PIAS1: variants seen among roughly 807,000 people sequenced by gnomAD.
PIAS1 encodes E3 SUMO-protein ligase PIAS1.
In PIAS1, 6 loss-of-function variants were observed where a neutral mutation model predicts 71.3. The ratio of observed to expected loss-of-function variants is 0.08; its 90% CI spans 0.05 to 0.17. The LOEUF (loss-of-function observed/expected upper bound fraction) is 0.17. PIAS1 is among the 10% of genes least tolerant of loss of function. The pLI is 1.00. For synonymous variants in PIAS1, 303 were observed against 292.9 expected, an observed-to-expected ratio of 1.03 and a Z score of -0.35; for missense variants, 555 against 793.6, an observed-to-expected ratio of 0.70 and a Z score of 3.61.
In PIAS1 at chr15:68,178,371, TATC is replaced by T. The variant is rs1480327946; in HGVS notation, c.1481+1723_1481+1725del. 6.6e-6 allele frequency among the ~76,000 whole-genome samples: 1 copy of T among 152,216 alleles called. No homozygotes were observed. Among genetic ancestry groups the T allele is most frequent in the African/African-American group, 2.4e-5 (1 of 41,460 alleles). On this transcript the variant is annotated intron_variant, in intron 11 of 13. Coordinates refer to ENST00000249636, the MANE Select transcript of PIAS1 (RefSeq NM_016166.3). This position sits in a 1 kb window ranked among gnomAD's most constrained non-coding sequence, Gnocchi z 4.2. ...ACAGAAACAAAGACATTAAAAACAG[TATC>T]ATCATTCTAAACAAAGTGAATAATT... is the stretch of plus-strand genomic sequence containing the variant.
At chr15:68,115,066 T>C (rs2092554429) in intron 2 of PIAS1, among the ~76,000 whole-genome samples, 1 of 152,108 alleles carries the variant, frequency 6.6e-6, no homozygotes, top group Non-Finnish European at 1.5e-5. Flanking sequence ...ACTAGAACAT[T>C]TCATCTTTCC....
intron 7 of PIAS1, among the ~76,000 whole-genome samples, chr15:68,158,908 A>G (rs551168023): frequency 2.6e-5 from 4 of 152,308 alleles, no homozygotes; most frequent in African/African-American, 7.2e-5. Context: ...ACATGTGGCT[A>G]TTGAGCACTT....
intron 11 of PIAS1, among the ~76,000 whole-genome samples, chr15:68,179,561 G>GTTATTTTTTTTTTTTTTTTT (rs1307028845): frequency 3.3e-5 from 1 of 30,190 alleles, no homozygotes; most frequent in Non-Finnish European, 9.8e-5. Flanking sequence ...CTCGTGAAAT[G>GTTATTTTTTTTTTTTTTTTT]TTCTTTTTTT....
rs74246045 is a variant in PIAS1 at position 68,126,287 on chromosome 15, T to C, written c.470-15659T>C. 4.7e-3 allele frequency among the ~76,000 whole-genome samples: 722 copies of C among 152,292 alleles called. 27 individuals carry two copies. In the East Asian group the frequency reaches 0.079, roughly 17 times the overall value. On this transcript the variant is annotated intron_variant, in intron 2 of 13. Coordinates refer to ENST00000249636, the MANE Select transcript of PIAS1 (RefSeq NM_016166.3). ...ATTTTCAAACCTGTTTTCTTCCTCC[T>C]TGTCTTTTTGCTTTACTTTCTGGGA...
chr15:68,116,211 G>A (rs536557423), intron 2 of PIAS1, among the ~76,000 whole-genome samples: 4 of 151,704 alleles, frequency 2.6e-5, no homozygotes, highest in Non-Finnish European at 2.9e-5. Context: ...GAAGTCCCCC[G>A]AGAATACACA....
intron 1 of PIAS1, among the ~76,000 whole-genome samples, chr15:68,078,305 A>G (rs945458417): frequency 6.6e-6 from 1 of 152,118 alleles, no homozygotes; most frequent in African/African-American, 2.4e-5. Flanking sequence ...TGTCTCCTGT[A>G]TTTCCACTGC....
At chr15:68,057,999 G>GT in intron 1 of PIAS1, among the ~76,000 whole-genome samples, 1 of 152,308 alleles carries the variant, frequency 6.6e-6, no homozygotes, top group East Asian at 1.9e-4. Context: ...TTAACCTTGG[G>GT]TGTCTCCTGG....
chr15:68,141,552 G>A (rs1183652031), intron 2 of PIAS1, among the ~76,000 whole-genome samples: 2 of 152,086 alleles, frequency 1.3e-5, no homozygotes, highest in Non-Finnish European at 2.9e-5. Flanking sequence ...AGCTCTCAAG[G>A]TGGGTATGTT....
At chr15:68,164,424 G>C (rs942468261) in intron 7 of PIAS1, among the ~76,000 whole-genome samples, 9 of 151,952 alleles carry the variant, frequency 5.9e-5, no homozygotes, top group East Asian at 5.8e-4. Context: ...AAAGAAAAAG[G>C]GTCTACCATT....
Position 68,072,225 on chromosome 15 carries a change from C to T in PIAS1, c.25-14081C>T, listed in dbSNP as rs145622801. On this transcript the variant is annotated intron_variant, in intron 1 of 13. Coordinates refer to ENST00000249636, the MANE Select transcript of PIAS1 (RefSeq NM_016166.3). Reference sequence around the variant, plus strand: ...CATCCTGGCTAACATGGTGAAACCCCGTCTCTACTAAAAATACAAAAAAAA... The same window carrying T: ...CATCCTGGCTAACATGGTGAAACCCTGTCTCTACTAAAAATACAAAAAAAA... 6.1e-3 allele frequency among the ~76,000 whole-genome samples: 921 copies of T among 150,968 alleles called. 4 individuals are homozygous for T. Among genetic ancestry groups the T allele is most frequent in the East Asian group, 0.033 (167 of 5,122 alleles).
chr15:68,181,014 G>A (rs1463296283), intron 11 of PIAS1, among the ~76,000 whole-genome samples, 198 bp from the exon 12 acceptor site: 1 of 152,090 alleles, frequency 6.6e-6, no homozygotes, highest in Non-Finnish European at 1.5e-5. Context: ...TCTTCCTGTG[G>A]CCTCTGTTAA....
chr15:68,062,101 T>C (rs1412335242), intron 1 of PIAS1, among the ~76,000 whole-genome samples: 1 of 152,230 alleles, frequency 6.6e-6, no homozygotes, highest in Non-Finnish European at 1.5e-5. Context: ...GGTCATATCT[T>C]CGCTCTTTTT....
Position 68,178,869 on chromosome 15 carries a change from C to T in PIAS1, c.1481+2215C>T, listed in dbSNP as rs2093035957. On this transcript the variant is annotated intron_variant, in intron 11 of 13. Coordinates refer to ENST00000249636, the MANE Select transcript of PIAS1 (RefSeq NM_016166.3). The surrounding 1 kb of genome is among the most constrained non-coding windows in gnomAD (Gnocchi z 4.2). ...TCTTTGGATATTTACTTTGCTCTTTCTCCAAAAATATTTGGAGAAAATAAA... is the reference window on the plus strand; with the variant it reads ...TCTTTGGATATTTACTTTGCTCTTTTTCCAAAAATATTTGGAGAAAATAAA... Among the ~76,000 whole-genome samples, 1 of 151,996 alleles carries T rather than the reference C, an allele frequency of 6.6e-6. No homozygotes were observed. The highest frequency in any genetic ancestry group is 1.9e-4 in the East Asian group (1 of 5,194).
In PIAS1 at chr15:68,054,415, G is replaced by T. The variant is rs1267281626; in HGVS notation, c.24+65G>T. ...GGAGACGGCGCCGCTGCTGCCAGGG[G>T]GGATGGGTCCGACCCTGGGGGGCCT... On this transcript the variant is annotated intron_variant, in intron 1 of 13. Transcript: ENST00000249636. This position sits in a 1 kb window ranked among gnomAD's most constrained non-coding sequence, Gnocchi z 4.6. 16 of 1,516,798 alleles carry T rather than the reference G, an allele frequency of 1.1e-5. No homozygotes were observed. The highest frequency in any genetic ancestry group is 8.9e-6 in the Non-Finnish European group (10 of 1,117,400). The allele number at this position is 1,516,798 out of a possible 1,614,324, so 94.0% of individuals were successfully genotyped here.
rs537683059 is a variant in PIAS1, at chr15:68,108,624, T to C, written c.469+21874T>C. Among the ~76,000 whole-genome samples, 17 of 152,312 alleles carry C rather than the reference T, an allele frequency of 1.1e-4. No individual in the cohort carries two copies. In the East Asian group the frequency reaches 3.3e-3, roughly 29 times the overall value. ...ACTGCCTGCTTTATATCACCATTCA[T>C]ATAGCTATCTCACACTTAACCTGTC... On this transcript the variant is annotated intron_variant, in intron 2 of 13. Coordinates refer to ENST00000249636, the MANE Select transcript of PIAS1 (RefSeq NM_016166.3).
At chr15:68,183,590 TTC>T in intron 12 of PIAS1, 38 bp from the exon 13 acceptor site, 1 of 870,800 alleles carries the variant, frequency 1.1e-6, no homozygotes, top group Non-Finnish European at 1.8e-6. Flanking sequence ...GAGTTTTTCC[TTC>T]TTTTTTTTTT....
chr15:68,168,695 A>G (rs1385859889), intron 8 of PIAS1, among the ~76,000 whole-genome samples: 1 of 152,220 alleles, frequency 6.6e-6, no homozygotes, highest in East Asian at 1.9e-4. Context: ...AAAATCAGGA[A>G]TATGAGAATT....
Position 68,139,240 on chromosome 15 carries a change from A to G in PIAS1, c.470-2706A>G, listed in dbSNP as rs184681836. Reference sequence around the variant, plus strand: ...ATCTTGTCCCTTTCTACAATATTCTACTACTCTCTGTTGGGCTGCAAGCAT... The same window carrying G: ...ATCTTGTCCCTTTCTACAATATTCTGCTACTCTCTGTTGGGCTGCAAGCAT... On this transcript the variant is annotated intron_variant, in intron 2 of 13. Transcript: ENST00000249636. 1.8e-3 allele frequency among the ~76,000 whole-genome samples: 281 copies of G among 152,280 alleles called. 1 individual carries two copies. The highest frequency in any genetic ancestry group is 6.5e-3 in the African/African-American group (269 of 41,546).
Position 68,187,476 on chromosome 15 carries a change from G to C in PIAS1, c.1663-66G>C. 1 of 1,430,644 alleles carries C rather than the reference G, an allele frequency of 7.0e-7. No individual in the cohort carries two copies. Among genetic ancestry groups the C allele is most frequent in the Non-Finnish European group, 9.7e-7 (1 of 1,026,146 alleles). The allele number at this position is 1,430,644 out of a possible 1,614,324, so 88.6% of individuals were successfully genotyped here. A position where few individuals can be genotyped will look rare whatever the true frequency, so the allele number is the denominator to read the frequency against. Reference sequence around the variant, plus strand: ...CTTAAATTTAGGGCTGTGTCCCGCTGAGGAGAAAATATATTAATTTGGAAG... The same window carrying C: ...CTTAAATTTAGGGCTGTGTCCCGCTCAGGAGAAAATATATTAATTTGGAAG... On this transcript the variant is annotated intron_variant, in intron 13 of 13. Coordinates refer to ENST00000249636, the MANE Select transcript of PIAS1 (RefSeq NM_016166.3). This position sits in a 1 kb window ranked among gnomAD's most constrained non-coding sequence, Gnocchi z 5.3.
Sources: allele counts gnomAD v4.1 joint callset (sites outside exome capture counted in the v4.1 genomes callset), GRCh38; gene constraint gnomAD v4.1.1; non-coding constraint Gnocchi (gnomAD v3.1); transcripts MANE v1.5; gene names NCBI Gene and HGNC (gene_info 2026-07-23, HGNC 2026-07-21).